The following LMTK2 variants were observed in gnomAD, a reference collection of about 807,000 sequenced individuals.
LMTK2 encodes lemur tail kinase 2, also known as serine/threonine-protein kinase LMTK2.
A neutral mutation model predicts 127.5 loss-of-function variants in LMTK2; 37 were observed. The observed-to-expected ratio is 0.29, with a 90% confidence interval of 0.22 to 0.38. The LOEUF is 0.38. Among genes scored for constraint, LMTK2 ranks in the 10% least tolerant of loss-of-function variants. The probability of loss-of-function intolerance (pLI) is 1.00; values close to 1 mark genes in which losing one functional copy is unlikely to be tolerated. For synonymous variants in LMTK2, 819 were observed against 810.1 expected (o/e 1.01, Z -0.19); for missense variants, 1,694 against 1,920.3 (o/e 0.88, Z 2.20).
intron 1 of LMTK2, among the ~76,000 whole-genome samples, chr7:98,132,732 C>T (rs1202799376): frequency 1.3e-5 from 2 of 152,138 alleles, no homozygotes; most frequent in African/African-American, 4.8e-5. Context: ...TTTGTAATCC[C>T]TAATGGATCT....
chr7:98,154,749 T>C lies in LMTK2; in HGVS notation c.451-9T>C, dbSNP rs17435590. On this transcript the variant is annotated splice_polypyrimidine_tract_variant and intron_variant, in intron 4 of 13. Transcript: ENST00000297293. ...GGAAATGACACAAAAAACTGTTCTT[T>C]GATTTTAGGTTCTCTTGGGAGAGAT... The C allele has an allele frequency of 0.48, 744,368 of 1,565,206 alleles. 192,572 individuals are homozygous for C. The highest frequency in any genetic ancestry group is 0.61 in the Middle Eastern group (3,645 of 5,940).
intron 2 of LMTK2, among the ~76,000 whole-genome samples, chr7:98,140,106 C>CTTTG (rs1288984764): frequency 3.6e-4 from 1 of 2,746 alleles, no homozygotes; most frequent in African/African-American, 1.2e-3. Context: ...TTCTTTCTTT[C>CTTTG]TTTCTTTCTT....
intron 1 of LMTK2, among the ~76,000 whole-genome samples, chr7:98,128,298 G>A (rs376761302): frequency 1.3e-5 from 2 of 152,170 alleles, no homozygotes; most frequent in Non-Finnish European, 2.9e-5. Context: ...AGGGCGGGCC[G>A]TAGTCCATTC....
Position 98,135,789 on chromosome 7 carries a change from A to T in LMTK2, c.104-1526A>T, listed in dbSNP as rs79942594. ...TAAGATGTAAAAATCTTTATGCTCT[A>T]GATAGGGATGGGAAAAGGCCAGGCG... On this transcript the variant is annotated intron_variant, in intron 1 of 13. Transcript: ENST00000297293. Among the ~76,000 whole-genome samples, 1,324 of 152,260 alleles carry T rather than the reference A, an allele frequency of 8.7e-3. 22 individuals are homozygous for T. The highest frequency in any genetic ancestry group is 0.03 in the African/African-American group (1,237 of 41,554).
At chr7:98,135,021 T>C (rs899371798) in intron 1 of LMTK2, among the ~76,000 whole-genome samples, 2 of 152,256 alleles carry the variant, frequency 1.3e-5, no homozygotes, top group Admixed American at 1.3e-4. Context: ...AAGCACAGAC[T>C]GAGCCCGCAT....
chr7:98,147,164 G>A (rs879027231), intron 3 of LMTK2, among the ~76,000 whole-genome samples: 2 of 151,774 alleles, frequency 1.3e-5, no homozygotes, highest in Non-Finnish European at 2.9e-5. Context: ...TGCTGCATTC[G>A]GGATTCTGTG....
rs754782215 is a variant in LMTK2 at position 98,192,799 on chromosome 7, A to G, written c.2334A>G (p.Pro778=). Residue 778 remains proline (P), a synonymous_variant, in exon 11 of 14, where the codon CCA becomes CCG. Coordinates refer to ENST00000297293, the MANE Select transcript of LMTK2 (RefSeq NM_014916.4). ...AGCTTCAGTTTGCTGAAAATAAGCC[A>G]GGCTTGTCTTTGTTGCAGGAAAACG... ...DTELQFAENK[P]GLSLLQENVS... is the part of the protein sequence containing the mutation. The G allele has an allele frequency of 1.2e-6, 2 of 1,613,948 alleles. No individual in the cohort carries two copies. The highest frequency in any genetic ancestry group is 2.2e-5 in the South Asian group (2 of 91,044).
chr7:98,107,948 ATT>A, intron 1 of LMTK2, among the ~76,000 whole-genome samples: 1 of 150,622 alleles, frequency 6.6e-6, no homozygotes, highest in South Asian at 2.1e-4. Flanking sequence ...CCCCCCGCCC[ATT>A]TTCTCAACAT....
intron 6 of LMTK2, among the ~76,000 whole-genome samples, chr7:98,170,570 C>T (rs143367741): frequency 6.6e-6 from 1 of 151,880 alleles, no homozygotes; most frequent in East Asian, 1.9e-4. Flanking sequence ...TCCCCGCCTC[C>T]AGCCGTCTTT....
intron 11 of LMTK2, among the ~76,000 whole-genome samples, chr7:98,197,519 T>C (rs1375722298): frequency 1.3e-5 from 2 of 152,186 alleles, no homozygotes; most frequent in Non-Finnish European, 2.9e-5. Context: ...TTGCAATTAG[T>C]GCGACAGGGT....
chr7:98,159,068 A>G (rs558985074), intron 5 of LMTK2, among the ~76,000 whole-genome samples: 1 of 151,996 alleles, frequency 6.6e-6, no homozygotes, highest in African/African-American at 2.4e-5. Flanking sequence ...TTGAAAAAAA[A>G]TTTTTAAAGT....
intron 1 of LMTK2, among the ~76,000 whole-genome samples, chr7:98,129,635 G>A (rs1796493927): frequency 1.3e-5 from 2 of 152,144 alleles, no homozygotes; most frequent in African/African-American, 4.8e-5. Context: ...CAAAGCACTG[G>A]GATTACAGGC....
At chr7:98,203,837 C>T (rs749641716) in intron 12 of LMTK2, 107 bp from the exon 13 acceptor site, 40 of 1,572,222 alleles carry the variant, frequency 2.5e-5, no homozygotes, top group South Asian at 7.8e-5. Flanking sequence ...ATCTGCCAGC[C>T]GGGCCGGGCT....
chr7:98,208,331 A>C lies in LMTK2; in HGVS notation c.*2839A>C, dbSNP rs747265473. The C allele has an allele frequency of 6.6e-6, 1 of 152,196 alleles. No homozygotes were observed. Among genetic ancestry groups the C allele is most frequent in the Non-Finnish European group, 1.5e-5 (1 of 68,046 alleles). 9.4% of individuals were successfully genotyped at this position (152,196 alleles called of 1,614,324 possible). On this transcript the variant is annotated 3_prime_UTR_variant, in exon 14 of 14. Transcript: ENST00000297293. Reference sequence around the variant, plus strand: ...ACACAGGAAATTTAAGTAGAATAAAAATTGCAGCCCATTTTTGAAATGTCA... The same window carrying C: ...ACACAGGAAATTTAAGTAGAATAAACATTGCAGCCCATTTTTGAAATGTCA...
intron 11 of LMTK2, among the ~76,000 whole-genome samples, chr7:98,199,058 TC>T (rs1297534365): frequency 6.6e-6 from 1 of 152,236 alleles, no homozygotes; most frequent in East Asian, 1.9e-4. Context: ...TTAGTCTAAT[TC>T]CATTATGGGC....
At chr7:98,197,672 TAAG>T (rs1247428236) in intron 11 of LMTK2, among the ~76,000 whole-genome samples, 2 of 152,124 alleles carry the variant, frequency 1.3e-5, no homozygotes, top group East Asian at 3.8e-4. Flanking sequence ...GGCAGCATAA[TAAG>T]AACCGATTTT....
chr7:98,142,204 C>T (rs1301105174), intron 3 of LMTK2, among the ~76,000 whole-genome samples: 1 of 152,008 alleles, frequency 6.6e-6, no homozygotes, highest in African/African-American at 2.4e-5. Flanking sequence ...CTGAGATTGC[C>T]GCAAGAAGGC....
rs1584305951 is a variant in LMTK2, at chr7:98,206,847, G to A, written c.*1355G>A. 1 of 152,284 alleles carries A rather than the reference G, an allele frequency of 6.6e-6. No homozygotes were observed. The highest frequency in any genetic ancestry group is 2.4e-5 in the African/African-American group (1 of 41,426). The allele number at this position is 152,284 out of a possible 1,614,324, so 9.4% of individuals were successfully genotyped here. Reference sequence around the variant, plus strand: ...CAGCTGTGAAGGGGGATGGACAAGGGACGACGGCCGACGGCAGAGCATCAG... The same window carrying A: ...CAGCTGTGAAGGGGGATGGACAAGGAACGACGGCCGACGGCAGAGCATCAG... On this transcript the variant is annotated 3_prime_UTR_variant, in exon 14 of 14. Coordinates refer to ENST00000297293, the MANE Select transcript of LMTK2 (RefSeq NM_014916.4).
At position 98,171,477 on chromosome 7, in the gene LMTK2, G is replaced by A. The variant is rs887526805; in HGVS notation, c.658-64G>A. 1.2e-5 allele frequency: 20 copies of A among 1,606,276 alleles called. No homozygotes were observed. The highest frequency in any genetic ancestry group is 1.1e-4 in the East Asian group (5 of 44,852). On this transcript the variant is annotated intron_variant, in intron 6 of 13. Transcript: ENST00000297293. The surrounding 1 kb of genome is among the most constrained non-coding windows in gnomAD (Gnocchi z 5.1). ...TAACAGTTAGTGTTCACCGAGGCAC[G>A]TATTTAAGCGCTCACTTTATTCCTG...
Sources: allele counts gnomAD v4.1 joint callset (sites outside exome capture counted in the v4.1 genomes callset), GRCh38; gene constraint gnomAD v4.1.1; non-coding constraint Gnocchi (gnomAD v3.1); transcripts MANE v1.5; gene names NCBI Gene and HGNC (gene_info 2026-07-23, HGNC 2026-07-21).